KIF5C: variants seen among roughly 807,000 people sequenced by gnomAD.
The protein encoded by KIF5C is kinesin heavy chain isoform 5C.
A neutral mutation model predicts 125.2 loss-of-function variants in KIF5C; 18 were observed. The ratio of observed to expected loss-of-function variants is 0.14; its 90% confidence interval spans 0.10 to 0.21. The LOEUF is 0.21. Ranked by LOEUF, KIF5C falls within the 10% of genes least tolerant of loss-of-function variation. The probability of loss-of-function intolerance (pLI) is 1.00; values close to 1 mark genes in which losing one functional copy is unlikely to be tolerated. For missense variants in KIF5C, 780 were observed against 1,183.8 expected (o/e 0.66, Z 5.01); for synonymous variants, 405 against 434.0 (o/e 0.93, Z 0.83).
chr2:148,984,940 G>A (rs1681336154), intron 15 of KIF5C, among the ~76,000 whole-genome samples: 1 of 152,084 alleles, frequency 6.6e-6, no homozygotes, highest in Non-Finnish European at 1.5e-5. Flanking sequence ...ACAGGCATGT[G>A]CCACCAGGCC....
rs151238332 is a variant in KIF5C, at chr2:148,969,422, AGTGTGT to A, written c.1118-3879_1118-3874del. On this transcript the variant is annotated intron_variant, in intron 11 of 25. Transcript: ENST00000435030. ...TTATTTAAAGAAGGGGAAGGTTTCC[AGTGTGT>A]GTGTGTGTGTGTGTGTGTGTGTGTG... is the stretch of plus-strand genomic sequence containing the variant. Among the ~76,000 whole-genome samples the A allele has an allele frequency of 1.0e-3, 148 of 141,370 alleles. No individual in the cohort carries two copies. In the South Asian group the frequency reaches 0.012, roughly 11 times the overall value. The allele number at this position is 141,370 out of a possible 152,430, so 92.7% of individuals were successfully genotyped here.
intron 14 of KIF5C, 83 bp downstream of exon 14, chr2:148,981,644 A>T: frequency 6.8e-7 from 1 of 1,470,002 alleles, no homozygotes; most frequent in South Asian, 1.4e-5. Context: ...CAGACATGGT[A>T]TAAGGAGGCA....
At chr2:148,967,210 A>T (rs1680755456) in intron 11 of KIF5C, among the ~76,000 whole-genome samples, 1 of 152,170 alleles carries the variant, frequency 6.6e-6, no homozygotes, top group South Asian at 2.1e-4. Flanking sequence ...TCCGTTCCCC[A>T]GGGTGCTAGT....
chr2:148,966,215 C>G (rs1381517056), intron 11 of KIF5C, among the ~76,000 whole-genome samples: 1 of 152,156 alleles, frequency 6.6e-6, no homozygotes, highest in Non-Finnish European at 1.5e-5. Flanking sequence ...GTTAAAGAGG[C>G]CTTGTCAATT....
chr2:148,951,029 C>G (rs1682644884), intron 10 of KIF5C, among the ~76,000 whole-genome samples: 1 of 152,138 alleles, frequency 6.6e-6, no homozygotes. Context: ...AAACTCATTT[C>G]AGATGTGAAT....
chr2:148,973,618 T>G (rs1033630017), intron 12 of KIF5C, 107 bp downstream of exon 12: 18 of 1,420,532 alleles, frequency 1.3e-5, no homozygotes, highest in Non-Finnish European at 1.7e-5. Flanking sequence ...TCTTTGTTTC[T>G]GGTTTCCTAA....
At chr2:148,998,816 C>A in intron 19 of KIF5C, 1 of 130,178 alleles carries the variant, frequency 7.7e-6, no homozygotes, top group Non-Finnish European at 1.5e-5. Context: ...GGGGGAGCAT[C>A]TGTAATGAAA....
At chr2:148,972,912 A>G (rs1354816480) in intron 11 of KIF5C, among the ~76,000 whole-genome samples, 1 of 152,216 alleles carries the variant, frequency 6.6e-6, no homozygotes, top group Non-Finnish European at 1.5e-5. Flanking sequence ...GGCTGTTTCT[A>G]TTAATGAAAC....
chr2:148,970,094 T>C (rs776845101), intron 11 of KIF5C, among the ~76,000 whole-genome samples: 7 of 152,208 alleles, frequency 4.6e-5, no homozygotes, highest in Non-Finnish European at 1.0e-4. Context: ...TGTAGCTTTG[T>C]AGGAGACATG....
intron 21 of KIF5C, among the ~76,000 whole-genome samples, chr2:149,003,381 C>T (rs546924134): frequency 2.4e-4 from 37 of 152,206 alleles, no homozygotes; most frequent in Non-Finnish European, 5.1e-4. Context: ...GCCAACTGGC[C>T]GTCGGGGCAT....
Position 148,876,325 on chromosome 2 carries a change from G to T in KIF5C, c.126+582G>T, listed in dbSNP as rs996944566. ...GCGCGCGGAAGGCGGAGGGTTGGGG[G>T]AGTACTGGTGGCCTCGGTGTCCCCT... On this transcript the variant is annotated intron_variant, in intron 1 of 25. Coordinates refer to ENST00000435030, the MANE Select transcript of KIF5C (RefSeq NM_004522.3). The surrounding 1 kb of genome is among the most constrained non-coding windows in gnomAD (Gnocchi z 4.7). Among the ~76,000 whole-genome samples, 1 of 152,224 alleles carries T rather than the reference G, an allele frequency of 6.6e-6. No homozygotes were observed. The highest frequency in any genetic ancestry group is 1.5e-5 in the Non-Finnish European group (1 of 68,024).
intron 1 of KIF5C, among the ~76,000 whole-genome samples, chr2:148,919,201 C>G (rs979764359): frequency 5.9e-5 from 9 of 152,114 alleles, no homozygotes; most frequent in Admixed American, 4.6e-4. Flanking sequence ...ACATGTAACT[C>G]AAGAGTGTAG....
intron 17 of KIF5C, 108 bp from the exon 18 acceptor site, chr2:148,997,156 G>T: frequency 6.8e-7 from 1 of 1,470,742 alleles, no homozygotes; most frequent in Admixed American, 2.2e-5. Context: ...GATATAAGCT[G>T]ATGTTTCACT....
chr2:149,011,542 C>T (rs1682195899), intron 24 of KIF5C, 28 bp from the exon 25 acceptor site: 2 of 1,612,988 alleles, frequency 1.2e-6, no homozygotes, highest in African/African-American at 1.3e-5. Flanking sequence ...AATGTCTGTT[C>T]TCTCTTCTTT....
chr2:148,891,155 G>A (rs1681697615), intron 1 of KIF5C, among the ~76,000 whole-genome samples: 1 of 152,184 alleles, frequency 6.6e-6, no homozygotes, highest in Non-Finnish European at 1.5e-5. Flanking sequence ...GTAGTTTCAT[G>A]TCTGTTGAAC....
chr2:148,924,891 A>T lies in KIF5C; in HGVS notation c.217+2664A>T, dbSNP rs148337588. ...TAATCATTCATTTCTGTAAGTAGTA[A>T]TAAGTACTTACCGTGGGGTAAGCAG... On this transcript the variant is annotated intron_variant, in intron 2 of 25. Coordinates refer to ENST00000435030, the MANE Select transcript of KIF5C (RefSeq NM_004522.3). This position sits in a 1 kb window ranked among gnomAD's most constrained non-coding sequence, Gnocchi z 4.0. 0.17 allele frequency among the ~76,000 whole-genome samples: 25,184 copies of T among 152,192 alleles called. 3,504 individuals carry two copies. Among genetic ancestry groups the T allele is most frequent in the African/African-American group, 0.38 (15,722 of 41,450 alleles).
Position 148,876,279 on chromosome 2 carries a change from C to G in KIF5C, c.126+536C>G, listed in dbSNP as rs529862910. Reference sequence around the variant, plus strand: ...CCGCGGCAGTGTAGACGCGGCTCCCCGCGGTGTTACACCTGGCTCCGCGCG... The same window carrying G: ...CCGCGGCAGTGTAGACGCGGCTCCCGGCGGTGTTACACCTGGCTCCGCGCG... On this transcript the variant is annotated intron_variant, in intron 1 of 25. Coordinates refer to ENST00000435030, the MANE Select transcript of KIF5C (RefSeq NM_004522.3). This position sits in a 1 kb window ranked among gnomAD's most constrained non-coding sequence, Gnocchi z 4.7. Among the ~76,000 whole-genome samples the G allele has an allele frequency of 1.1e-3, 171 of 152,350 alleles. 1 individual carries two copies. The highest frequency in any genetic ancestry group is 3.9e-3 in the African/African-American group (161 of 41,596).
intron 1 of KIF5C, among the ~76,000 whole-genome samples, chr2:148,894,786 CT>C (rs1245016462): frequency 6.6e-6 from 1 of 150,656 alleles, no homozygotes; most frequent in Non-Finnish European, 1.5e-5. Context: ...TTTCTTTTTA[CT>C]TTTTTTCTTT....
At chr2:148,986,785 T>C (rs1298172645) in intron 15 of KIF5C, among the ~76,000 whole-genome samples, 10 of 152,272 alleles carry the variant, frequency 6.6e-5, no homozygotes, top group Non-Finnish European at 1.5e-5. Flanking sequence ...ATATGACAGC[T>C]CTGAAAAGCC....
Sources: gnomAD v4.1 joint callset for allele counts (sites outside exome capture counted in the v4.1 genomes callset) on GRCh38, gnomAD v4.1.1 for gene constraint, Gnocchi (gnomAD v3.1) non-coding constraint, MANE v1.5 for transcripts, NCBI Gene and HGNC (gene_info 2026-07-23, HGNC 2026-07-21) for gene names.